Variants in NAALADL2 observed in about 807,000 individuals in gnomAD.
The protein encoded by NAALADL2 is N-acetylated alpha-linked acidic dipeptidase like 2.
In NAALADL2, 76 loss-of-function variants were observed where a neutral mutation model predicts 87.2. That is an observed-to-expected ratio of 0.87 (90% CI 0.72 to 1.05). NAALADL2 has a LOEUF of 1.05. Among genes scored for constraint, NAALADL2 ranks in the 50% least tolerant of loss-of-function variants. The pLI, the probability that NAALADL2 is intolerant of heterozygous loss-of-function variation, is 0.00. For synonymous variants in NAALADL2, 354 were observed against 331.0 expected (o/e 1.07, Z -0.75); for missense variants, 1,089 against 945.8 (o/e 1.15, Z -1.99).
intron 2 of NAALADL2, among the ~76,000 whole-genome samples, chr3:175,158,516 A>G (rs1377890432): frequency 1.3e-5 from 2 of 152,128 alleles, no homozygotes; most frequent in East Asian, 3.8e-4. Flanking sequence ...CTTTACTTCA[A>G]AATATTTTCT....
chr3:175,061,484 C>T (rs557406379), intron 1 of NAALADL2, among the ~76,000 whole-genome samples: 206 of 152,094 alleles, frequency 1.4e-3, no homozygotes, highest in African/African-American at 4.8e-3. Context: ...ATTTCAAATG[C>T]ACAACTTCAT....
chr3:174,519,309 G>T (rs1213722726), intron 1 of NAALADL2, among the ~76,000 whole-genome samples: 9 of 146,380 alleles, frequency 6.1e-5, no homozygotes, highest in African/African-American at 2.1e-4. Flanking sequence ...TGAAACAAGT[G>T]AATGAATGAA....
At chr3:174,927,426 C>G (rs1337322059) in intron 1 of NAALADL2, among the ~76,000 whole-genome samples, 1 of 152,218 alleles carries the variant, frequency 6.6e-6, no homozygotes, top group Non-Finnish European at 1.5e-5. Context: ...CACCACATCA[C>G]ACTTATTCCA....
At chr3:175,500,853 T>A (rs1729445680) in intron 9 of NAALADL2, among the ~76,000 whole-genome samples, 1 of 152,158 alleles carries the variant, frequency 6.6e-6, no homozygotes, top group Non-Finnish European at 1.5e-5. Context: ...TACATTTTGC[T>A]ATATGAAATA....
At chr3:175,238,581 C>T (rs184539234) in intron 3 of NAALADL2, among the ~76,000 whole-genome samples, 23 of 152,182 alleles carry the variant, frequency 1.5e-4, no homozygotes, top group Non-Finnish European at 2.1e-4. Flanking sequence ...TATTGATACT[C>T]ATTTCTTAAA....
chr3:174,547,148 T>A (rs1336149461), intron 1 of NAALADL2, among the ~76,000 whole-genome samples: 3 of 152,178 alleles, frequency 2.0e-5, no homozygotes. Flanking sequence ...TCTATAAGTT[T>A]TCTCTAGATC....
At chr3:174,655,263 T>G (rs1320302164) in intron 2 of NAALADL2, among the ~76,000 whole-genome samples, 1 of 152,028 alleles carries the variant, frequency 6.6e-6, no homozygotes, top group Non-Finnish European at 1.5e-5. Flanking sequence ...CTGTTGTTGT[T>G]AAAGAATATG....
chr3:174,578,725 T>G (rs186210460), intron 2 of NAALADL2, among the ~76,000 whole-genome samples: 60 of 151,988 alleles, frequency 3.9e-4, no homozygotes, highest in Non-Finnish European at 7.1e-4. Flanking sequence ...ATATAAAAAT[T>G]TCTTAATTTC....
intron 1 of NAALADL2, among the ~76,000 whole-genome samples, chr3:175,018,123 G>C (rs1751089349): frequency 6.6e-6 from 1 of 152,024 alleles, no homozygotes; most frequent in Admixed American, 6.6e-5. Flanking sequence ...ACTAAAGCTT[G>C]TCTTTTAGTA....
At chr3:174,661,148 G>T (rs1725465223) in intron 2 of NAALADL2, among the ~76,000 whole-genome samples, 1 of 152,116 alleles carries the variant, frequency 6.6e-6, no homozygotes, top group Admixed American at 6.6e-5. Flanking sequence ...GAATACGCCT[G>T]TAATATTTCT....
In NAALADL2 at chr3:175,362,010, T is replaced by G. The variant is rs552397553; in HGVS notation, c.1090+37685T>G. On this transcript the variant is annotated intron_variant, in intron 5 of 13. Coordinates refer to ENST00000454872, the MANE Select transcript of NAALADL2 (RefSeq NM_207015.3). ...GTTTTTATGGTTTTAGGTCTAACGT[T>G]TAAGTCTTTAATCCATCTTGAATTA... Among the ~76,000 whole-genome samples, 9 of 148,392 alleles carry G rather than the reference T, an allele frequency of 6.1e-5. 1 individual carries two copies. The East Asian group carries it at 1.2e-3, about 20-fold the overall frequency.
At chr3:175,695,040 G>T (rs75470904) in intron 11 of NAALADL2, among the ~76,000 whole-genome samples, 5,542 of 151,186 alleles carry the variant, frequency 0.037, 329 homozygotes, top group African/African-American at 0.13. Context: ...CCTAATTTGA[G>T]GTGCTTGAGG....
rs117884634 is a variant in NAALADL2, at chr3:175,553,448, G to C, written c.1654-22593G>C. On this transcript the variant is annotated intron_variant, in intron 9 of 13. Coordinates refer to ENST00000454872, the MANE Select transcript of NAALADL2 (RefSeq NM_207015.3). The stretch of plus-strand genomic sequence containing the variant: ...CTTCCATGTATTTTAGGATTAAGCT[G>C]TGTCTTCTCTGTGAAATCTCCTCCA... Among the ~76,000 whole-genome samples, 103 of 152,202 alleles carry C rather than the reference G, an allele frequency of 6.8e-4. 1 individual carries two copies. In the East Asian group the frequency reaches 0.013, roughly 19 times the overall value.
At chr3:175,230,695 T>C (rs774687786) in intron 2 of NAALADL2, among the ~76,000 whole-genome samples, 5 of 151,996 alleles carry the variant, frequency 3.3e-5, no homozygotes, top group Non-Finnish European at 7.4e-5. Context: ...CATAATGAAA[T>C]ATTACTTTAC....
intron 5 of NAALADL2, among the ~76,000 whole-genome samples, chr3:175,398,437 T>G (rs896926223): frequency 6.6e-6 from 1 of 150,908 alleles, no homozygotes; most frequent in Non-Finnish European, 1.5e-5. Flanking sequence ...CTAATCTGTA[T>G]CCACATGATG....
At chr3:175,283,715 G>T (rs1338642823) in intron 4 of NAALADL2, among the ~76,000 whole-genome samples, 1 of 152,112 alleles carries the variant, frequency 6.6e-6, no homozygotes, top group Non-Finnish European at 1.5e-5. Flanking sequence ...CCTGATATCA[G>T]GTTCCTGTGC....
intron 1 of NAALADL2, chr3:175,059,883 C>A: frequency 2.9e-6 from 1 of 344,998 alleles, no homozygotes. Context: ...GGGCAAGACA[C>A]GAGTTCACAG....
intron 5 of NAALADL2, among the ~76,000 whole-genome samples, chr3:175,437,770 G>T (rs938840802): frequency 2.0e-5 from 3 of 152,026 alleles, no homozygotes; most frequent in Admixed American, 6.6e-5. Context: ...TCAATGTGTA[G>T]TACTTTTTAA....
At chr3:175,616,145 AATGAT>A (rs1187604155) in intron 10 of NAALADL2, among the ~76,000 whole-genome samples, 1 of 147,726 alleles carries the variant, frequency 6.8e-6, no homozygotes, top group Non-Finnish European at 1.5e-5. Flanking sequence ...ATATTATATA[AATGAT>A]ATATGTTTTA....
Sources: gnomAD v4.1 joint callset for allele counts (sites outside exome capture counted in the v4.1 genomes callset) on GRCh38, gnomAD v4.1.1 for gene constraint, MANE v1.5 for transcripts, NCBI Gene and HGNC (gene_info 2026-07-23, HGNC 2026-07-21) for gene names.